Variants in ADGRE1 observed in about 807,000 individuals in gnomAD.
ADGRE1 encodes adhesion G protein-coupled receptor E1, also known as EGF-like module receptor 1.
ADGRE1 carries 82 observed loss-of-function variants against 102.7 expected under a neutral mutation model. The observed-to-expected ratio is 0.80, with a 90% confidence interval of 0.67 to 0.96. The LOEUF is 0.96. Ranked by LOEUF, ADGRE1 falls within the 40% of genes least tolerant of loss-of-function variation. The pLI, the probability that ADGRE1 is intolerant of heterozygous loss-of-function variation, is 0.00. For synonymous variants in ADGRE1, 398 were observed against 399.6 expected (o/e 1.00, Z 0.05); for missense variants, 1,032 against 1,085.3 (o/e 0.95, Z 0.69).
chr19:6,894,639 T>C (rs1452821234), intron 2 of ADGRE1, among the ~76,000 whole-genome samples: 2 of 152,132 alleles, frequency 1.3e-5, no homozygotes, highest in Non-Finnish European at 2.9e-5. Flanking sequence ...TCATGTTGAG[T>C]AATTTGAGTT....
Position 6,908,748 on chromosome 19 carries a change from T to C in ADGRE1, c.1098T>C (p.Asn366=), listed in dbSNP as rs368923344. 4.8e-6 allele frequency: 7 copies of C among 1,455,544 alleles called. No individual in the cohort carries two copies. In the African/African-American group the frequency reaches 7.1e-5, roughly 15 times the overall value. The allele number at this position is 1,455,544 out of a possible 1,614,324, so 90.2% of individuals were successfully genotyped here. The part of the protein sequence containing the change: ...IFSVLDKVCE[N]KTTVVSLKNT... ...GCGTTCTGGACAAAGTGTGTGAAAA[T>C]AAAACGACCGTAGTTTCTCTGAAGG... The change falls in exon 10 of 21, where the codon AAT becomes AAC. Residue 366 remains asparagine (N), a synonymous_variant. Transcript: ENST00000312053.
chr19:6,934,766 T>C (rs887657947), intron 17 of ADGRE1, among the ~76,000 whole-genome samples: 4 of 114,444 alleles, frequency 3.5e-5, no homozygotes, highest in African/African-American at 1.2e-4. Context: ...CATGGCTAAT[T>C]TTTTTTTTTT....
intron 9 of ADGRE1, among the ~76,000 whole-genome samples, chr19:6,907,248 A>G (rs183037405): frequency 1.4e-4 from 22 of 152,264 alleles, no homozygotes; most frequent in Admixed American, 1.2e-3. Flanking sequence ...ATAACATAAA[A>G]TTCACCACTT....
intron 11 of ADGRE1, among the ~76,000 whole-genome samples, chr19:6,915,729 G>A (rs1452208940): frequency 2.0e-5 from 3 of 151,934 alleles, no homozygotes; most frequent in African/African-American, 7.3e-5. Context: ...AGACCATCCT[G>A]GCTAACACAG....
chr19:6,917,266 C>T (rs1453968293), intron 12 of ADGRE1, among the ~76,000 whole-genome samples: 1 of 152,178 alleles, frequency 6.6e-6, no homozygotes, highest in African/African-American at 2.4e-5. Flanking sequence ...TGTAAAAGCA[C>T]AGTGTGCAAT....
At chr19:6,889,713 AAAGAAAAACG>A (rs1973285816) in intron 1 of ADGRE1, among the ~76,000 whole-genome samples, 1 of 148,204 alleles carries the variant, frequency 6.7e-6, no homozygotes, top group African/African-American at 2.5e-5. Flanking sequence ...AAAAAAAAGG[AAAGAAAAACG>A]AATTGCCCTA....
At chr19:6,900,764 G>A (rs184988426) in intron 5 of ADGRE1, among the ~76,000 whole-genome samples, 3 of 152,282 alleles carry the variant, frequency 2.0e-5, no homozygotes, top group Admixed American at 1.3e-4. Flanking sequence ...TATCCCCCTG[G>A]CTTAGTTTAA....
chr19:6,891,682 T>C (rs1271302330), intron 2 of ADGRE1, among the ~76,000 whole-genome samples: 1 of 151,998 alleles, frequency 6.6e-6, no homozygotes, highest in Non-Finnish European at 1.5e-5. Flanking sequence ...TTGAACTCCT[T>C]AGGTGATCTG....
At chr19:6,929,187 CA>C (rs1975042680) in intron 17 of ADGRE1, among the ~76,000 whole-genome samples, 1 of 152,082 alleles carries the variant, frequency 6.6e-6, no homozygotes, top group Non-Finnish European at 1.5e-5. Flanking sequence ...CAGACACACA[CA>C]AGGAGTGAGT....
chr19:6,939,947 C>T lies in ADGRE1; in HGVS notation c.2656-77C>T. On this transcript the variant is annotated intron_variant, in intron 20 of 20. Transcript: ENST00000312053. ...TACTGTATTTTTAATACTTCTGTCC[C>T]TGTAGACATGACCCTTGGAATCACG... The T allele has an allele frequency of 1.0e-5, 15 of 1,477,342 alleles. No homozygotes were observed. In the South Asian group the frequency reaches 1.7e-4, roughly 17 times the overall value. 91.5% of individuals were successfully genotyped at this position (1,477,342 alleles called of 1,614,324 possible). A position where few individuals can be genotyped will look rare whatever the true frequency, so the allele number is the denominator to read the frequency against.
At chr19:6,898,489 G>A in intron 5 of ADGRE1, 1 of 1,575,606 alleles carries the variant, frequency 6.3e-7, no homozygotes, top group African/African-American at 1.4e-5. Context: ...CCCAGGGATG[G>A]GTCTTGAGTG....
intron 10 of ADGRE1, among the ~76,000 whole-genome samples, chr19:6,910,079 T>C (rs1365761077): frequency 1.3e-5 from 2 of 152,094 alleles, no homozygotes; most frequent in African/African-American, 4.8e-5. Context: ...ATTGATATTG[T>C]CATTTTCTTT....
intron 17 of ADGRE1, among the ~76,000 whole-genome samples, chr19:6,928,799 T>A (rs1397332769): frequency 6.6e-6 from 1 of 152,054 alleles, no homozygotes; most frequent in Non-Finnish European, 1.5e-5. Flanking sequence ...CTGGGTGTGT[T>A]GGCACATGCC....
At chr19:6,911,927 A>G (rs1202064049) in intron 10 of ADGRE1, among the ~76,000 whole-genome samples, 1 of 151,848 alleles carries the variant, frequency 6.6e-6, no homozygotes, top group East Asian at 1.9e-4. Context: ...ACACACATGT[A>G]TACACACATC....
chr19:6,913,820 G>C lies in ADGRE1; in HGVS notation c.1290G>C (p.Thr430=). Reference sequence around the variant, plus strand: ...CAAATATCACTCCGGCTGTTCGGACGGAATACTTAGGTAGGAGACACCCTT... The same window carrying C: ...CAAATATCACTCCGGCTGTTCGGACCGAATACTTAGGTAGGAGACACCCTT... ...PSANITPAVR[T]EYLDIESKVI... Residue 430 remains threonine (T), a synonymous_variant, in exon 11 of 21, where the codon ACG becomes ACC. Transcript: ENST00000312053. 6.3e-7 allele frequency: 1 copy of C among 1,592,976 alleles called. No individual in the cohort carries two copies. The highest frequency in any genetic ancestry group is 8.6e-7 in the Non-Finnish European group (1 of 1,167,760).
intron 5 of ADGRE1, among the ~76,000 whole-genome samples, chr19:6,900,625 G>A (rs1360904276): frequency 6.6e-6 from 1 of 152,120 alleles, no homozygotes; most frequent in Non-Finnish European, 1.5e-5. Context: ...CCTCTACACT[G>A]CAGCCAGAAT....
chr19:6,901,186 T>C (rs1189651863), intron 5 of ADGRE1, among the ~76,000 whole-genome samples: 3 of 152,246 alleles, frequency 2.0e-5, no homozygotes, highest in Admixed American at 1.3e-4. Flanking sequence ...ATTTTCACCA[T>C]GTAGCTACAC....
At chr19:6,911,994 CACAT>C (rs1406612648) in intron 10 of ADGRE1, among the ~76,000 whole-genome samples, 1 of 151,872 alleles carries the variant, frequency 6.6e-6, no homozygotes, top group African/African-American at 2.4e-5. Context: ...CACAGATACA[CACAT>C]ACACATCCAC....
chr19:6,916,210 C>A, intron 11 of ADGRE1, 39 bp from the exon 12 acceptor site: 1 of 1,594,086 alleles, frequency 6.3e-7, no homozygotes, highest in South Asian at 1.1e-5. Flanking sequence ...GACTGACTTT[C>A]TGGGTGACCT....
Sources: gnomAD v4.1 joint callset for allele counts (sites outside exome capture counted in the v4.1 genomes callset) on GRCh38, gnomAD v4.1.1 for gene constraint, MANE v1.5 for transcripts, NCBI Gene and HGNC (gene_info 2026-07-23, HGNC 2026-07-21) for gene names.